Variants in SLC16A1 observed in about 807,000 individuals in gnomAD.
SLC16A1 encodes monocarboxylate transporter 1.
A neutral mutation model predicts 32.2 loss-of-function variants in SLC16A1; 11 were observed. The observed-to-expected ratio is 0.34, with a 90% confidence interval of 0.21 to 0.56. The LOEUF is 0.56. Among genes scored for constraint, SLC16A1 ranks in the 20% least tolerant of loss-of-function variants. The probability of loss-of-function intolerance (pLI) is 0.87; values close to 1 mark genes in which losing one functional copy is unlikely to be tolerated. For missense variants in SLC16A1, 435 were observed against 615.0 expected (o/e 0.71, Z 3.10); for synonymous variants, 231 against 226.8 (o/e 1.02, Z -0.17).
In SLC16A1 at chr1:112,919,314, G is replaced by A. The variant is rs145638363; in HGVS notation, c.362-1270C>T. ...CTCCCAAAGTGCTGGGATTACAGGC[G>A]TAAGCCACCGCACCCAGCCTGAATG... On this transcript the variant is annotated intron_variant, in intron 3 of 4. Transcript: ENST00000369626. Among the ~76,000 whole-genome samples, 760 of 152,234 alleles carry A rather than the reference G, an allele frequency of 5.0e-3. 9 individuals carry two copies. The highest frequency in any genetic ancestry group is 0.017 in the African/African-American group (720 of 41,544).
intron 1 of SLC16A1, among the ~76,000 whole-genome samples, chr1:112,945,047 G>A (rs1161056719): frequency 6.7e-6 from 1 of 150,084 alleles, no homozygotes; most frequent in Non-Finnish European, 1.5e-5. Context: ...CACCCAGGCT[G>A]GAGTGCAGTG....
At chr1:112,940,522 C>A (rs1649472086) in intron 1 of SLC16A1, among the ~76,000 whole-genome samples, 1 of 152,060 alleles carries the variant, frequency 6.6e-6, no homozygotes, top group Non-Finnish European at 1.5e-5. Flanking sequence ...GACTGCATAT[C>A]ATCTTGGTGC....
intron 1 of SLC16A1, among the ~76,000 whole-genome samples, chr1:112,950,191 T>TA (rs1285036004): frequency 6.6e-6 from 1 of 152,194 alleles, no homozygotes; most frequent in African/African-American, 2.4e-5. Flanking sequence ...TCGAATTCAA[T>TA]AGACCTTAGG....
intron 1 of SLC16A1, among the ~76,000 whole-genome samples, chr1:112,929,586 CTAT>C (rs1009898809): frequency 4.0e-5 from 6 of 151,864 alleles, no homozygotes; most frequent in African/African-American, 1.5e-4. Flanking sequence ...TGGAGCATGC[CTAT>C]AGTCCCAGCT....
chr1:112,920,862 G>A (rs1020497265), intron 3 of SLC16A1, among the ~76,000 whole-genome samples: 3 of 151,530 alleles, frequency 2.0e-5, no homozygotes, highest in Non-Finnish European at 2.9e-5. Context: ...TCAGAAGGCC[G>A]GGCAAGGTGA....
Position 112,917,929 on chromosome 1 carries a change from A to G in SLC16A1, c.477T>C (p.Cys159=). ...AAACCTGATTGAGGGGGGCCAGAGT[A>G]CAGAGGAACACAGGGCTGCCTGCCA... ...LAMAGSPVFL[C]TLAPLNQVFF... is the part of the protein sequence containing the mutation. The change falls in exon 4 of 5, where the codon TGT becomes TGC. Residue 159 remains cysteine, a synonymous_variant. Transcript: ENST00000369626. This position sits in a 1 kb window ranked among gnomAD's most constrained non-coding sequence, Gnocchi z 4.1. 6.3e-7 allele frequency: 1 copy of G among 1,599,148 alleles called. No individual in the cohort carries two copies. The highest frequency in any genetic ancestry group is 8.5e-7 in the Non-Finnish European group (1 of 1,175,388).
chr1:112,938,579 T>C (rs1266298097), intron 1 of SLC16A1, among the ~76,000 whole-genome samples: 2 of 152,208 alleles, frequency 1.3e-5, no homozygotes, highest in African/African-American at 4.8e-5. Context: ...TTAAAAAATA[T>C]AAACCTGTCT....
At chr1:112,922,198 A>G in intron 2 of SLC16A1, 65 bp from the exon 3 acceptor site, 2 of 1,392,194 alleles carry the variant, frequency 1.4e-6, no homozygotes, top group Non-Finnish European at 2.0e-6. Flanking sequence ...CACAAGTATG[A>G]ATGACAATGA....
In SLC16A1 at chr1:112,917,274, A is replaced by G. The variant is rs1425776189; in HGVS notation, c.1132T>C (p.Leu378=). The G allele has an allele frequency of 2.4e-5, 39 of 1,614,222 alleles. No individual in the cohort carries two copies. The highest frequency in any genetic ancestry group is 3.3e-5 in the South Asian group (3 of 91,088). The change falls in exon 4 of 5, where the codon TTG becomes CTG. Residue 378 remains leucine, a synonymous_variant. Transcript: ENST00000369626. This position sits in a 1 kb window ranked among gnomAD's most constrained non-coding sequence, Gnocchi z 4.1. ...GWLSSVLFET[L]MDLVGPQRFS... ...CTCTGGGGTCCAACAAGGTCCATCA[A>G]TGTTTCAAACAATACGGAGCTGAGC...
intron 1 of SLC16A1, among the ~76,000 whole-genome samples, chr1:112,948,945 C>T (rs1649796125): frequency 6.6e-6 from 1 of 152,248 alleles, no homozygotes; most frequent in African/African-American, 2.4e-5. Context: ...TTTCTCCCGC[C>T]TCAGCCTCCC....
intron 1 of SLC16A1, among the ~76,000 whole-genome samples, chr1:112,935,666 A>G (rs904334079): frequency 6.6e-6 from 1 of 152,218 alleles, no homozygotes; most frequent in Non-Finnish European, 1.5e-5. Context: ...ATGACTAAGG[A>G]TATTATAGAC....
Position 112,921,997 on chromosome 1 carries a change from G to C in SLC16A1, c.354C>G (p.Val118=). The change falls in exon 3 of 5, where the codon GTC becomes GTG. Residue 118 remains valine, a synonymous_variant. Coordinates refer to ENST00000369626, the MANE Select transcript of SLC16A1 (RefSeq NM_003051.4). ...TVQQLYVCIG[V]IGGLGLAFNL... The stretch of plus-strand genomic sequence containing the variant: ...GAATCAGTAGTAACTCACCTCCAAT[G>C]ACTCCAATACAGACGTATAGTTGCT... 6.2e-7 allele frequency: 1 copy of C among 1,614,094 alleles called. No homozygotes were observed. Among genetic ancestry groups the C allele is most frequent in the Non-Finnish European group, 8.5e-7 (1 of 1,180,010 alleles).
At chr1:112,943,182 A>C (rs989621305) in intron 1 of SLC16A1, among the ~76,000 whole-genome samples, 1 of 152,234 alleles carries the variant, frequency 6.6e-6, no homozygotes, top group African/African-American at 2.4e-5. Context: ...ATAAGTACCC[A>C]CATCAGTACA....
chr1:112,939,530 ATAGTTGGTC>A (rs1415391036), intron 1 of SLC16A1, among the ~76,000 whole-genome samples: 1 of 151,870 alleles, frequency 6.6e-6, no homozygotes, highest in Non-Finnish European at 1.5e-5. Flanking sequence ...GAAAATACAT[ATAGTTGGTC>A]TTGTCGCCCA....
chr1:112,931,984 C>A (rs547118373), intron 1 of SLC16A1, among the ~76,000 whole-genome samples: 2 of 152,270 alleles, frequency 1.3e-5, no homozygotes, highest in South Asian at 2.1e-4. Context: ...CTACCATGTT[C>A]TTTAGTCTAT....
chr1:112,947,503 G>A (rs755929940), intron 1 of SLC16A1, among the ~76,000 whole-genome samples: 41 of 152,278 alleles, frequency 2.7e-4, no homozygotes, highest in African/African-American at 9.9e-4. Context: ...TTCTTGCAAA[G>A]AGCTAAATTG....
intron 1 of SLC16A1, among the ~76,000 whole-genome samples, chr1:112,935,579 T>G (rs1649274554): frequency 6.6e-6 from 1 of 152,158 alleles, no homozygotes; most frequent in African/African-American, 2.4e-5. Context: ...GGATCTGACA[T>G]TTATCTAATG....
intron 2 of SLC16A1, among the ~76,000 whole-genome samples, chr1:112,927,029 G>A (rs1456340173): frequency 6.6e-6 from 1 of 151,266 alleles, no homozygotes; most frequent in Non-Finnish European, 1.5e-5. Context: ...GGGAGGCTGA[G>A]GCAGGAGGAT....
At chr1:112,950,773 G>T (rs1011066946) in intron 1 of SLC16A1, among the ~76,000 whole-genome samples, 3 of 152,202 alleles carry the variant, frequency 2.0e-5, no homozygotes, top group African/African-American at 7.2e-5. Context: ...AAGGCAGGAG[G>T]ATGGCTTGGG....
Sources: gnomAD v4.1 joint callset for allele counts (sites outside exome capture counted in the v4.1 genomes callset) on GRCh38, gnomAD v4.1.1 for gene constraint, Gnocchi (gnomAD v3.1) non-coding constraint, MANE v1.5 for transcripts, NCBI Gene and HGNC (gene_info 2026-07-23, HGNC 2026-07-21) for gene names.